Variants in SDK2 observed in about 807,000 individuals in gnomAD.
SDK2 encodes protein sidekick-2.
SDK2 carries 105 observed loss-of-function variants against 253.9 expected under a neutral mutation model. That is an observed-to-expected ratio of 0.41 (90% confidence interval 0.35 to 0.49). The LOEUF (loss-of-function observed/expected upper bound fraction) is 0.49, where lower values mean the gene tolerates loss of function less well. Among genes scored for constraint, SDK2 ranks in the 20% least tolerant of loss-of-function variants. The pLI is 0.06. For synonymous variants in SDK2, 1,249 were observed against 1,234.9 expected, an observed-to-expected ratio of 1.01 and a Z score of -0.24; for missense variants, 2,608 against 3,003.0, an observed-to-expected ratio of 0.87 and a Z score of 3.07.
intron 1 of SDK2, among the ~76,000 whole-genome samples, chr17:73,527,191 C>T (rs903910789): frequency 2.6e-5 from 4 of 152,130 alleles, no homozygotes; most frequent in Admixed American, 6.6e-5. Context: ...CATTTGTTCA[C>T]GGATCAATCC....
chr17:73,379,069 G>T lies in SDK2; in HGVS notation c.4980+108C>A. ...TGAAGGGCCGAGGAGCTGGCTGGAT[G>T]AATGGAGGGCCTGGGGACCTGCCTG... On this transcript the variant is annotated intron_variant, in intron 36 of 44. Transcript: ENST00000392650. The surrounding 1 kb of genome is among the most constrained non-coding windows in gnomAD (Gnocchi z 4.5). The T allele has an allele frequency of 1.3e-6, 1 of 782,654 alleles. No individual in the cohort carries two copies. Among genetic ancestry groups the T allele is most frequent in the Non-Finnish European group, 2.1e-6 (1 of 474,084 alleles). 48.5% of individuals were successfully genotyped at this position (782,654 alleles called of 1,614,324 possible). A position where few individuals can be genotyped will look rare whatever the true frequency, so the allele number is the denominator to read the frequency against.
chr17:73,340,388 C>T (rs2062424417), intron 44 of SDK2, among the ~76,000 whole-genome samples: 2 of 152,336 alleles, frequency 1.3e-5, no homozygotes, highest in South Asian at 4.1e-4. Flanking sequence ...ATGCCCCTGG[C>T]AACCACTAAT....
chr17:73,536,403 C>T (rs1208916121), intron 1 of SDK2, among the ~76,000 whole-genome samples: 2 of 152,188 alleles, frequency 1.3e-5, no homozygotes, highest in Non-Finnish European at 2.9e-5. Context: ...TGGCATTCCA[C>T]CCCAACCCCT....
chr17:73,440,388 G>A (rs1387249479), intron 6 of SDK2, among the ~76,000 whole-genome samples: 1 of 152,118 alleles, frequency 6.6e-6, no homozygotes, highest in Non-Finnish European at 1.5e-5. Flanking sequence ...TTACAGGTAT[G>A]AGCCATCGCG....
At chr17:73,520,889 G>A (rs926941799) in intron 1 of SDK2, 2 of 152,296 alleles carry the variant, frequency 1.3e-5, no homozygotes, top group African/African-American at 4.8e-5. Context: ...TTGGTGACTG[G>A]CAGGTGGTTG....
intron 1 of SDK2, among the ~76,000 whole-genome samples, chr17:73,515,402 C>T (rs1214464848): frequency 2.0e-5 from 3 of 152,192 alleles, no homozygotes; most frequent in Admixed American, 6.5e-5. Flanking sequence ...CTCCAGCCTG[C>T]GATGTCACAG....
intron 1 of SDK2, among the ~76,000 whole-genome samples, chr17:73,530,220 T>C (rs1354792020): frequency 2.6e-5 from 4 of 152,174 alleles, no homozygotes; most frequent in Non-Finnish European, 4.4e-5. Flanking sequence ...GGGTAATTTA[T>C]AAAGTGAAGA....
At chr17:73,357,983 C>T (rs2062606311) in intron 40 of SDK2, 96 bp downstream of exon 40, 1 of 1,558,294 alleles carries the variant, frequency 6.4e-7, no homozygotes, top group Non-Finnish European at 8.8e-7. Flanking sequence ...AGCGCCTTCT[C>T]AGGCGGAGGA....
chr17:73,342,571 G>A (rs1007213405), intron 44 of SDK2, among the ~76,000 whole-genome samples: 2 of 152,180 alleles, frequency 1.3e-5, no homozygotes, highest in African/African-American at 4.8e-5. Flanking sequence ...CTACAGGTTC[G>A]GTCTTTCCAC....
chr17:73,462,491 T>C (rs1229041913), intron 3 of SDK2, among the ~76,000 whole-genome samples: 4 of 152,102 alleles, frequency 2.6e-5, no homozygotes, highest in South Asian at 2.1e-4. Flanking sequence ...TATTTACATG[T>C]ATGCATGTTT....
chr17:73,341,730 C>CA (rs2062438670), intron 44 of SDK2, among the ~76,000 whole-genome samples: 1 of 152,106 alleles, frequency 6.6e-6, no homozygotes, highest in African/African-American at 2.4e-5. Flanking sequence ...CTCAGGAACT[C>CA]GGAGTCCTTC....
Position 73,507,564 on chromosome 17 carries a change from A to G in SDK2, c.98T>C (p.Val33Ala). 6 of 1,551,698 alleles carry G rather than the reference A, an allele frequency of 3.9e-6. No individual in the cohort carries two copies. Among genetic ancestry groups the G allele is most frequent in the Non-Finnish European group, 5.2e-6 (6 of 1,146,970 alleles). Residue 33 changes from valine (V) to alanine (A), a missense_variant, in exon 2 of 45, where the codon GTG (valine) becomes GCG (alanine). Val to Ala is a moderately conservative substitution (Grantham distance 64). Transcript: ENST00000392650. ...TCCTTCCAAGTGCACCTGTGTCCGC[A>G]CAGGCTCTGTCTTGAAATACGGGGA... Reference protein sequence around the residue: ...DVSPYFKTEPVRTQVHLEGNR... With the variant: ...DVSPYFKTEPARTQVHLEGNR...
At chr17:73,397,967 C>T in intron 24 of SDK2, 68 bp downstream of exon 24, 3 of 1,537,768 alleles carry the variant, frequency 2.0e-6, no homozygotes, top group Non-Finnish European at 2.6e-6. Flanking sequence ...TTCTGATGTG[C>T]ACCTTCTAGG....
intron 1 of SDK2, among the ~76,000 whole-genome samples, chr17:73,619,614 G>C (rs539418956): frequency 6.6e-6 from 1 of 152,044 alleles, no homozygotes; most frequent in African/African-American, 2.4e-5. Context: ...AACCAAAATA[G>C]AAGAGCTGAA....
chr17:73,624,691 G>A (rs1427327366), intron 1 of SDK2, among the ~76,000 whole-genome samples: 1 of 152,188 alleles, frequency 6.6e-6, no homozygotes, highest in African/African-American at 2.4e-5. Context: ...TTTAGCAACC[G>A]CTGAGTGATG....
In SDK2 at chr17:73,609,629, TCA is replaced by T. The variant is rs2045949597; in HGVS notation, c.64+34394_64+34395del. ...GTTTGTTTTTTCAAGATGGGAGAAA[TCA>T]CAAAGCATTTCTCTGCTAATGGGAA... is the stretch of plus-strand genomic sequence containing the variant. On this transcript the variant is annotated intron_variant, in intron 1 of 44. Transcript: ENST00000392650. This position sits in a 1 kb window ranked among gnomAD's most constrained non-coding sequence, Gnocchi z 4.4. Among the ~76,000 whole-genome samples, 2 of 151,964 alleles carry T rather than the reference TCA, an allele frequency of 1.3e-5. No individual in the cohort carries two copies. Among genetic ancestry groups the T allele is most frequent in the South Asian group, 4.2e-4 (2 of 4,804 alleles).
intron 1 of SDK2, among the ~76,000 whole-genome samples, chr17:73,567,225 C>T (rs1267295524): frequency 6.6e-6 from 1 of 152,236 alleles, no homozygotes; most frequent in Non-Finnish European, 1.5e-5. Flanking sequence ...TCAAAGAACC[C>T]CAGGTACCAT....
At chr17:73,377,221 TC>T (rs2062789707) in intron 36 of SDK2, among the ~76,000 whole-genome samples, 4 of 150,702 alleles carry the variant, frequency 2.7e-5, no homozygotes, top group South Asian at 2.1e-4. Context: ...TTTTTTTTTT[TC>T]TTTTTTTTTT....
At position 73,507,911 on chromosome 17, in the gene SDK2, C is replaced by T. The variant is rs574210361; in HGVS notation, c.65-314G>A. On this transcript the variant is annotated intron_variant, in intron 1 of 44. Transcript: ENST00000392650. ...CTCTCAGCATACACATCCACTCCATCCACTCTGCTCATGGGTTCCCCCTCC... is the reference window on the plus strand; with the variant it reads ...CTCTCAGCATACACATCCACTCCATTCACTCTGCTCATGGGTTCCCCCTCC... Among the ~76,000 whole-genome samples the T allele has an allele frequency of 2.6e-4, 40 of 152,352 alleles. No individual in the cohort carries two copies. The South Asian group carries it at 8.3e-3, about 32-fold the overall frequency.
Sources: gnomAD v4.1 joint callset for allele counts (sites outside exome capture counted in the v4.1 genomes callset) on GRCh38, gnomAD v4.1.1 for gene constraint, Gnocchi (gnomAD v3.1) non-coding constraint, MANE v1.5 for transcripts, NCBI Gene and HGNC (gene_info 2026-07-23, HGNC 2026-07-21) for gene names.